Variants in BCAS3 observed in about 807,000 individuals in gnomAD.
The protein encoded by BCAS3 is BCAS4/BCAS3 fusion.
BCAS3 carries 53 observed loss-of-function variants against 116.1 expected under a neutral mutation model. The ratio of observed to expected loss-of-function variants is 0.46; its 90% CI spans 0.37 to 0.57. The LOEUF is 0.57. BCAS3 is among the 20% of genes least tolerant of loss of function. The pLI, the probability that BCAS3 is intolerant of heterozygous loss-of-function variation, is 0.00. For missense variants in BCAS3, 917 were observed against 1,165.4 expected (o/e 0.79, Z 3.10); for synonymous variants, 391 against 408.2 (o/e 0.96, Z 0.51).
At chr17:60,706,855 G>A (rs564928725) in intron 4 of BCAS3, among the ~76,000 whole-genome samples, 1 of 149,130 alleles carries the variant, frequency 6.7e-6, no homozygotes, top group Admixed American at 6.7e-5. Flanking sequence ...TGTCACCCAG[G>A]CTGGAGTGGA....
At position 61,069,266 on chromosome 17, in the gene BCAS3, C is replaced by T. The variant is rs561729449; in HGVS notation, c.2030-5654C>T. On this transcript the variant is annotated intron_variant, in intron 19 of 23. Transcript: ENST00000407086. ...AATAAAGCTACCCAGCCTGGGTTTG[C>T]GATAGGGAAGGTACAGTTTCAGGGC... Among the ~76,000 whole-genome samples, 14 of 151,832 alleles carry T rather than the reference C, an allele frequency of 9.2e-5. No individual in the cohort carries two copies. The South Asian group carries it at 2.3e-3, about 25-fold the overall frequency.
chr17:61,093,596 A>C (rs752204704), intron 22 of BCAS3, among the ~76,000 whole-genome samples: 5 of 152,190 alleles, frequency 3.3e-5, no homozygotes, highest in African/African-American at 4.8e-5. Flanking sequence ...AACAAACAAA[A>C]AAAAATTTTA....
chr17:61,310,620 T>C (rs750872660), intron 22 of BCAS3, among the ~76,000 whole-genome samples: 2 of 151,358 alleles, frequency 1.3e-5, no homozygotes, highest in Non-Finnish European at 2.9e-5. Flanking sequence ...TGCATGCGAA[T>C]CATCGCCCAG....
rs1366496697 is a variant in BCAS3 at position 61,344,111 on chromosome 17, C to T, written c.2426-24216C>T. ...GCGTGGGACAGGCTAAGGATGCCGG[C>T]TAGCCCCCAATCCCAGAGAGCATGC... is the stretch of plus-strand genomic sequence containing the variant. On this transcript the variant is annotated intron_variant, in intron 22 of 23. Transcript: ENST00000407086. This position sits in a 1 kb window ranked among gnomAD's most constrained non-coding sequence, Gnocchi z 4.1. 6.6e-6 allele frequency among the ~76,000 whole-genome samples: 1 copy of T among 152,140 alleles called. No individual in the cohort carries two copies. Among genetic ancestry groups the T allele is most frequent in the Non-Finnish European group, 1.5e-5 (1 of 68,030 alleles).
rs113185766 is a variant in BCAS3, at chr17:61,019,619, C to T, written c.1637+3718C>T. On this transcript the variant is annotated intron_variant, in intron 16 of 23. Transcript: ENST00000407086. The surrounding 1 kb of genome is among the most constrained non-coding windows in gnomAD (Gnocchi z 5.6). Reference sequence around the variant, plus strand: ...TTTTGCTATATTCTGAGTTTTGAAACAAATCTCAGACAATATTTCATCCCA... The same window carrying T: ...TTTTGCTATATTCTGAGTTTTGAAATAAATCTCAGACAATATTTCATCCCA... Among the ~76,000 whole-genome samples, 1 of 152,062 alleles carries T rather than the reference C, an allele frequency of 6.6e-6. No homozygotes were observed. The highest frequency in any genetic ancestry group is 2.4e-5 in the African/African-American group (1 of 41,374).
chr17:60,934,847 A>T (rs1177518622), intron 13 of BCAS3, among the ~76,000 whole-genome samples: 2 of 152,210 alleles, frequency 1.3e-5, no homozygotes, highest in East Asian at 3.9e-4. Context: ...AGGAACGGAG[A>T]AGCAAAGAGA....
At chr17:61,193,757 C>CAAAA (rs59810014) in intron 22 of BCAS3, among the ~76,000 whole-genome samples, 2 of 52,314 alleles carry the variant, frequency 3.8e-5, no homozygotes, top group African/African-American at 1.6e-4. Context: ...AACTCCATCT[C>CAAAA]AAAAAAAAAA....
chr17:60,795,968 G>A (rs1018135340), intron 6 of BCAS3, among the ~76,000 whole-genome samples: 4 of 152,156 alleles, frequency 2.6e-5, no homozygotes, highest in African/African-American at 9.7e-5. Flanking sequence ...GGGATTACAG[G>A]TGTGAGCCAC....
chr17:61,078,436 C>G lies in BCAS3; in HGVS notation c.2234C>G (p.Ser745Cys). ...HPSGQTTVIS[S>C]SSSVLQSHGP... is the part of the protein sequence containing the mutation. Reference sequence around the variant, plus strand: ...TCAGGCCAAACCACAGTTATCTCATCCAGTTCATCTGTGTTGCAGTCTCAT... The same window carrying G: ...TCAGGCCAAACCACAGTTATCTCATGCAGTTCATCTGTGTTGCAGTCTCAT... Residue 745 changes from serine to cysteine, a missense_variant, in exon 21 of 24, where the codon TCC becomes TGC. Ser to Cys is a moderately radical substitution (Grantham distance 112, BLOSUM62 -1). Coordinates refer to ENST00000407086, the MANE Select transcript of BCAS3 (RefSeq NM_017679.5). 1 of 1,614,148 alleles carries G rather than the reference C, an allele frequency of 6.2e-7. No homozygotes were observed. Among genetic ancestry groups the G allele is most frequent in the Non-Finnish European group, 8.5e-7 (1 of 1,179,994 alleles).
intron 5 of BCAS3, among the ~76,000 whole-genome samples, chr17:60,743,985 T>G (rs1303168338): frequency 1.3e-5 from 2 of 152,188 alleles, no homozygotes; most frequent in Non-Finnish European, 2.9e-5. Context: ...CATTCTTTGT[T>G]CTCCTTATTG....
intron 22 of BCAS3, among the ~76,000 whole-genome samples, chr17:61,133,859 C>CAAAAAAA (rs11449964): frequency 3.7e-5 from 3 of 81,904 alleles, no homozygotes; most frequent in African/African-American, 9.1e-5. Context: ...CCTGGAATCT[C>CAAAAAAA]AAAAAAAAAA....
At position 61,128,042 on chromosome 17, in the gene BCAS3, C is replaced by T. The variant is rs1376720178; in HGVS notation, c.2425+43478C>T. The T allele has an allele frequency of 3.9e-6, 1 of 256,762 alleles. No individual in the cohort carries two copies. Among genetic ancestry groups the T allele is most frequent in the Non-Finnish European group, 6.1e-6 (1 of 164,068 alleles). The allele number at this position is 256,762 out of a possible 1,614,324, so 15.9% of individuals were successfully genotyped here. A position where few individuals can be genotyped will look rare whatever the true frequency, so the allele number is the denominator to read the frequency against. ...ACATTCAGCAAAGAACACCACAATT[C>T]CCATTGAGCTCAGAAAATGTGATTA... is the stretch of plus-strand genomic sequence containing the variant. On this transcript the variant is annotated intron_variant, in intron 22 of 23. Transcript: ENST00000407086. The surrounding 1 kb of genome is among the most constrained non-coding windows in gnomAD (Gnocchi z 4.1).
At chr17:60,862,192 A>G (rs981906005) in intron 7 of BCAS3, among the ~76,000 whole-genome samples, 3 of 152,210 alleles carry the variant, frequency 2.0e-5, no homozygotes, top group African/African-American at 4.8e-5. Flanking sequence ...CTGAGGCAGG[A>G]GAATGGCGTG....
Position 61,352,354 on chromosome 17 carries a change from T to TG in BCAS3, c.2426-15970dup, listed in dbSNP as rs1247861342. On this transcript the variant is annotated intron_variant, in intron 22 of 23. Transcript: ENST00000407086. The surrounding 1 kb of genome is among the most constrained non-coding windows in gnomAD (Gnocchi z 4.7). Reference sequence around the variant, plus strand: ...TTTCTTTGCACACACAAACACACCCTGGGCTGACTATAAATCTGCTCCTTG... The same window carrying TG: ...TTTCTTTGCACACACAAACACACCCTGGGGCTGACTATAAATCTGCTCCTTG... 6.6e-6 allele frequency among the ~76,000 whole-genome samples: 1 copy of TG among 152,220 alleles called. No homozygotes were observed. The highest frequency in any genetic ancestry group is 2.4e-5 in the African/African-American group (1 of 41,460).
rs1387836994 is a variant in BCAS3 at position 61,265,249 on chromosome 17, G to A, written c.2426-103078G>A. Among the ~76,000 whole-genome samples the A allele has an allele frequency of 6.6e-6, 1 of 151,926 alleles. No homozygotes were observed. The highest frequency in any genetic ancestry group is 2.4e-5 in the African/African-American group (1 of 41,376). ...ACCAACATGGAGAAACCCTGTCTCT[G>A]CTAAAAATACAAAATTAGCCGGCAT... On this transcript the variant is annotated intron_variant, in intron 22 of 23. Coordinates refer to ENST00000407086, the MANE Select transcript of BCAS3 (RefSeq NM_017679.5). This position sits in a 1 kb window ranked among gnomAD's most constrained non-coding sequence, Gnocchi z 4.3.
At chr17:61,050,729 T>C (rs1275722033) in intron 19 of BCAS3, among the ~76,000 whole-genome samples, 1 of 151,982 alleles carries the variant, frequency 6.6e-6, no homozygotes, top group African/African-American at 2.4e-5. Context: ...AAAAGTAAGT[T>C]CTAACTGTAT....
intron 5 of BCAS3, among the ~76,000 whole-genome samples, chr17:60,726,001 T>C (rs1490551857): frequency 6.6e-6 from 1 of 152,132 alleles, no homozygotes; most frequent in Non-Finnish European, 1.5e-5. Flanking sequence ...GTTCAAGCGA[T>C]TCTCCTGCCT....
Position 60,990,346 on chromosome 17 carries a change from A to G in BCAS3, c.1486+111A>G, listed in dbSNP as rs2063446463. On this transcript the variant is annotated intron_variant, in intron 15 of 23. Transcript: ENST00000407086. The surrounding 1 kb of genome is among the most constrained non-coding windows in gnomAD (Gnocchi z 5.1). ...TATAGTCTGTTCATGTAAAAAGAAG[A>G]TCTTAGGCTTATATGAAATTCTTAA... The G allele has an allele frequency of 1.7e-6, 2 of 1,150,564 alleles. No individual in the cohort carries two copies. Among genetic ancestry groups the G allele is most frequent in the Non-Finnish European group, 2.4e-6 (2 of 824,234 alleles). 71.3% of individuals were successfully genotyped at this position (1,150,564 alleles called of 1,614,324 possible). A position where few individuals can be genotyped will look rare whatever the true frequency, so the allele number is the denominator to read the frequency against.
intron 19 of BCAS3, among the ~76,000 whole-genome samples, chr17:61,055,777 T>A (rs1170869838): frequency 6.6e-6 from 1 of 152,222 alleles, no homozygotes; most frequent in African/African-American, 2.4e-5. Context: ...AATAAATGTA[T>A]TCCTTATCTC....
Sources: allele counts gnomAD v4.1 joint callset (sites outside exome capture counted in the v4.1 genomes callset), GRCh38; gene constraint gnomAD v4.1.1; non-coding constraint Gnocchi (gnomAD v3.1); transcripts MANE v1.5; gene names NCBI Gene and HGNC (gene_info 2026-07-23, HGNC 2026-07-21).